The following SLC35F1 variants were observed in gnomAD, a reference collection of about 807,000 sequenced individuals.
SLC35F1 encodes chromosome 6 open reading frame 169.
A neutral mutation model predicts 48.7 loss-of-function variants in SLC35F1; 14 were observed. The observed-to-expected ratio is 0.29, with a 90% CI of 0.19 to 0.45. The LOEUF is 0.45. Among genes scored for constraint, SLC35F1 ranks in the 20% least tolerant of loss-of-function variants. The probability of loss-of-function intolerance (pLI) is 1.00; values close to 1 mark genes in which losing one functional copy is unlikely to be tolerated. For synonymous variants in SLC35F1, 190 were observed against 202.2 expected (o/e 0.94, Z 0.51); for missense variants, 404 against 500.0 (o/e 0.81, Z 1.83).
intron 2 of SLC35F1, among the ~76,000 whole-genome samples, chr6:118,220,607 C>G (rs1160147603): frequency 6.6e-6 from 1 of 152,176 alleles, no homozygotes; most frequent in Non-Finnish European, 1.5e-5. Context: ...AATACAGATT[C>G]CTGAGCCCCA....
At chr6:118,076,712 G>A (rs755470414) in intron 1 of SLC35F1, among the ~76,000 whole-genome samples, 7 of 152,080 alleles carry the variant, frequency 4.6e-5, no homozygotes, top group African/African-American at 7.2e-5. Context: ...GAGCCAAACC[G>A]TTATCAGTTG....
chr6:118,253,033 A>G (rs1775596127), intron 3 of SLC35F1, among the ~76,000 whole-genome samples: 1 of 152,126 alleles, frequency 6.6e-6, no homozygotes, highest in Non-Finnish European at 1.5e-5. Flanking sequence ...AGGTGGTTAT[A>G]TGGCTGTGGA....
intron 1 of SLC35F1, among the ~76,000 whole-genome samples, chr6:118,001,111 T>C (rs1350423504): frequency 1.3e-5 from 2 of 152,248 alleles, no homozygotes; most frequent in South Asian, 2.1e-4. Context: ...TTAAAGTTCA[T>C]ATGGAACCAA....
chr6:118,042,522 G>A (rs558450506), intron 1 of SLC35F1, among the ~76,000 whole-genome samples: 4 of 152,250 alleles, frequency 2.6e-5, no homozygotes, highest in African/African-American at 9.6e-5. Flanking sequence ...AATGGTGGAA[G>A]ATCCAAGATG....
At chr6:117,919,326 A>G (rs1337844635) in intron 1 of SLC35F1, among the ~76,000 whole-genome samples, 1 of 152,154 alleles carries the variant, frequency 6.6e-6, no homozygotes, top group Non-Finnish European at 1.5e-5. Flanking sequence ...CAATTCTCTC[A>G]TTTGTAAACT....
At chr6:118,000,164 C>A (rs375844004) in intron 1 of SLC35F1, among the ~76,000 whole-genome samples, 1 of 152,076 alleles carries the variant, frequency 6.6e-6, no homozygotes, top group Admixed American at 6.5e-5. Flanking sequence ...AATTTTAGAC[C>A]AATATCCTTG....
At chr6:117,992,116 C>T (rs1458160662) in intron 1 of SLC35F1, among the ~76,000 whole-genome samples, 2 of 151,988 alleles carry the variant, frequency 1.3e-5, no homozygotes, top group Admixed American at 6.6e-5. Context: ...ATCCTGAGAT[C>T]TAATATTCAA....
intron 1 of SLC35F1, among the ~76,000 whole-genome samples, chr6:118,131,819 A>G (rs1038987687): frequency 3.3e-5 from 5 of 151,876 alleles, no homozygotes; most frequent in African/African-American, 4.8e-5. Context: ...GTGCAAATAC[A>G]TAAGTATATA....
In SLC35F1 at chr6:118,025,782, A is replaced by G. The variant is rs1040115915; in HGVS notation, c.173+117883A>G. ...AACTCTTTCAATTGCATTTATGTAT[A>G]TTTTAGTTGATAGTTTTCAAACACA... is the stretch of plus-strand genomic sequence containing the variant. On this transcript the variant is annotated intron_variant, in intron 1 of 7. Transcript: ENST00000360388. 6.6e-5 allele frequency among the ~76,000 whole-genome samples: 10 copies of G among 152,246 alleles called. No homozygotes were observed. In the East Asian group the frequency reaches 1.7e-3, roughly 26 times the overall value.
At chr6:118,027,691 A>G (rs1267724535) in intron 1 of SLC35F1, among the ~76,000 whole-genome samples, 2 of 152,042 alleles carry the variant, frequency 1.3e-5, no homozygotes, top group East Asian at 1.9e-4. Flanking sequence ...AGCTCTTCAT[A>G]TATTCTAGAT....
chr6:118,025,087 A>T (rs994587864), intron 1 of SLC35F1, among the ~76,000 whole-genome samples: 2 of 152,216 alleles, frequency 1.3e-5, no homozygotes, highest in African/African-American at 4.8e-5. Context: ...ACTATTATTA[A>T]CTAAACCCCA....
At chr6:118,189,345 A>G (rs1774702003) in intron 2 of SLC35F1, among the ~76,000 whole-genome samples, 1 of 152,110 alleles carries the variant, frequency 6.6e-6, no homozygotes, top group African/African-American at 2.4e-5. Context: ...TTTGATTTGC[A>G]TTTTCCTAAT....
At chr6:118,070,956 C>CTATGTGTG (rs1314773545) in intron 1 of SLC35F1, among the ~76,000 whole-genome samples, 1 of 25,772 alleles carries the variant, frequency 3.9e-5, no homozygotes, top group Non-Finnish European at 8.2e-5. Context: ...TATATATATA[C>CTATGTGTG]TGTGTATATA....
Position 118,059,666 on chromosome 6 carries a change from C to T in SLC35F1, c.174-94779C>T, listed in dbSNP as rs182183579. Among the ~76,000 whole-genome samples, 471 of 152,246 alleles carry T rather than the reference C, an allele frequency of 3.1e-3. 5 individuals carry two copies. The highest frequency in any genetic ancestry group is 0.011 in the African/African-American group (462 of 41,544). On this transcript the variant is annotated intron_variant, in intron 1 of 7. Transcript: ENST00000360388. The stretch of plus-strand genomic sequence containing the variant: ...ACCCATGACTTCACAATTCCTGAGG[C>T]AGGGAAAAAGAGGCATGGACAGTCA...
At chr6:118,004,841 G>A (rs992824340) in intron 1 of SLC35F1, among the ~76,000 whole-genome samples, 1 of 151,814 alleles carries the variant, frequency 6.6e-6, no homozygotes, top group Admixed American at 6.6e-5. Flanking sequence ...AGCCAATATC[G>A]TACCTGGCCT....
At chr6:118,239,668 C>CACT (rs1775411587) in intron 3 of SLC35F1, among the ~76,000 whole-genome samples, 1 of 152,054 alleles carries the variant, frequency 6.6e-6, no homozygotes, top group African/African-American at 2.4e-5. Context: ...CTATACCTGC[C>CACT]ACTATATCCA....
chr6:117,972,993 A>G (rs573587432), intron 1 of SLC35F1, among the ~76,000 whole-genome samples: 3 of 152,364 alleles, frequency 2.0e-5, no homozygotes, highest in African/African-American at 7.2e-5. Context: ...CTGGTGTTTT[A>G]TCTGTTACAG....
At chr6:117,965,753 G>A (rs1215076715) in intron 1 of SLC35F1, among the ~76,000 whole-genome samples, 1 of 152,224 alleles carries the variant, frequency 6.6e-6, no homozygotes, top group Non-Finnish European at 1.5e-5. Flanking sequence ...GAGAGGTGAA[G>A]CCAGCTGGGC....
At chr6:118,107,639 T>G (rs1773343777) in intron 1 of SLC35F1, among the ~76,000 whole-genome samples, 1 of 152,114 alleles carries the variant, frequency 6.6e-6, no homozygotes, top group Non-Finnish European at 1.5e-5. Context: ...ATTAGACAAT[T>G]TTTTCAAATA....
Sources: allele counts gnomAD v4.1 joint callset (sites outside exome capture counted in the v4.1 genomes callset), GRCh38; gene constraint gnomAD v4.1.1; transcripts MANE v1.5; gene names NCBI Gene and HGNC (gene_info 2026-07-23, HGNC 2026-07-21).